Variants in COL5A2 observed in about 807,000 individuals in gnomAD.
COL5A2 encodes the protein collagen alpha-2(V) chain.
In COL5A2, 23 loss-of-function variants were observed where a neutral mutation model predicts 208.2. The observed-to-expected ratio is 0.11, with a 90% CI of 0.08 to 0.16. The LOEUF is 0.16. COL5A2 is among the 10% of genes least tolerant of loss of function. The pLI is 1.00. For synonymous variants in COL5A2, 625 were observed against 628.5 expected, an observed-to-expected ratio of 0.99 and a Z score of 0.08; for missense variants, 1,590 against 1,956.4, an observed-to-expected ratio of 0.81 and a Z score of 3.53.
chr2:189,086,915 G>A, intron 8 of COL5A2, 145 bp from the exon 9 acceptor site: 1 of 702,964 alleles, frequency 1.4e-6, no homozygotes, highest in South Asian at 1.6e-5. Context: ...TACTCATTTG[G>A]AAGGCAGCTA....
At chr2:189,132,604 A>G (rs1687736937) in intron 1 of COL5A2, among the ~76,000 whole-genome samples, 1 of 152,220 alleles carries the variant, frequency 6.6e-6, no homozygotes, top group African/African-American at 2.4e-5. Context: ...AGTTTTTAAC[A>G]ATTCATCTCA....
intron 1 of COL5A2, among the ~76,000 whole-genome samples, chr2:189,194,319 G>A (rs1402325984): frequency 6.6e-6 from 1 of 151,978 alleles, no homozygotes; most frequent in Non-Finnish European, 1.5e-5. Flanking sequence ...CGTAGAAAAG[G>A]GCTAATGCAG....
intron 1 of COL5A2, among the ~76,000 whole-genome samples, chr2:189,143,244 A>G (rs1402194578): frequency 6.6e-6 from 1 of 152,172 alleles, no homozygotes; most frequent in African/African-American, 2.4e-5. Context: ...TCCTTGTCAT[A>G]CTATGAACCC....
At chr2:189,046,996 C>A (rs1335400572) in intron 45 of COL5A2, among the ~76,000 whole-genome samples, 2 of 151,988 alleles carry the variant, frequency 1.3e-5, no homozygotes, top group African/African-American at 4.8e-5. Flanking sequence ...GTGGCACATG[C>A]CTGCAGTCCC....
At chr2:189,403,321 G>C in the COL5A2 span, among the ~76,000 whole-genome samples, 4 of 152,270 alleles carry the variant, frequency 2.6e-5, no homozygotes, top group East Asian at 7.7e-4. Context: ...TTGAGACGTG[G>C]GCTTTTCTAA....
At chr2:189,301,151 C>T in the COL5A2 span, among the ~76,000 whole-genome samples, 143 of 152,120 alleles carry the variant, frequency 9.4e-4, no homozygotes, top group Admixed American at 2.4e-3. Context: ...CATGCCACTT[C>T]ACTCCAGCCT....
chr2:189,426,512 A>G, the COL5A2 span, among the ~76,000 whole-genome samples: 1 of 152,274 alleles, frequency 6.6e-6, no homozygotes, highest in South Asian at 2.1e-4. Flanking sequence ...CATCTTACAT[A>G]TGTTGATTGA....
chr2:189,291,679 A>G, the COL5A2 span, among the ~76,000 whole-genome samples: 1 of 152,136 alleles, frequency 6.6e-6, no homozygotes, highest in East Asian at 1.9e-4. Flanking sequence ...GACTCACTAT[A>G]TAGGCAAGAT....
rs145370589 is a variant in COL5A2 at position 189,170,722 on chromosome 2, G to C, written c.97+8786C>G. On this transcript the variant is annotated intron_variant, in intron 1 of 53. Coordinates refer to ENST00000374866, the MANE Select transcript of COL5A2 (RefSeq NM_000393.5). ...AGAACATGAGCAGTCTTGCAAGGCA[G>C]CTGGATACTCTTGGCACTCTTAGGT... 3.5e-3 allele frequency among the ~76,000 whole-genome samples: 530 copies of C among 152,114 alleles called. 4 individuals carry two copies. The highest frequency in any genetic ancestry group is 0.012 in the African/African-American group (513 of 41,498).
At chr2:189,276,781 A>G in the COL5A2 span, among the ~76,000 whole-genome samples, 251 of 152,218 alleles carry the variant, frequency 1.6e-3, 2 homozygotes, top group African/African-American at 5.6e-3. Flanking sequence ...CTCTTTTGCA[A>G]TGATGTATTA....
At chr2:189,077,097 A>G (rs1340774054) in intron 16 of COL5A2, among the ~76,000 whole-genome samples, 1 of 152,086 alleles carries the variant, frequency 6.6e-6, no homozygotes, top group Non-Finnish European at 1.5e-5. Flanking sequence ...GAAATTTAAA[A>G]TCTCAGGTCC....
intron 2 of COL5A2, among the ~76,000 whole-genome samples, chr2:189,108,717 G>A (rs1687199357): frequency 6.6e-6 from 1 of 150,780 alleles, no homozygotes; most frequent in Admixed American, 6.6e-5. Flanking sequence ...TTTTTCTTTG[G>A]GTGCCCATCT....
intron 8 of COL5A2, among the ~76,000 whole-genome samples, chr2:189,087,376 C>T (rs987775422): frequency 2.6e-5 from 4 of 151,924 alleles, no homozygotes; most frequent in East Asian, 1.9e-4. Context: ...AACAAAAATG[C>T]GATTTTAGAA....
At chr2:189,114,462 AG>A (rs1687346796) in intron 1 of COL5A2, among the ~76,000 whole-genome samples, 1 of 152,198 alleles carries the variant, frequency 6.6e-6, no homozygotes, top group Admixed American at 6.5e-5. Context: ...AAAATATTGC[AG>A]TAAAGTTGTC....
At chr2:189,263,079 T>A in the COL5A2 span, among the ~76,000 whole-genome samples, 1 of 152,098 alleles carries the variant, frequency 6.6e-6, no homozygotes, top group Non-Finnish European at 1.5e-5. Context: ...TGGCAAGACC[T>A]TCAGTCAAGC....
the COL5A2 span, among the ~76,000 whole-genome samples, chr2:189,361,292 T>C: frequency 1.3e-5 from 2 of 152,186 alleles, no homozygotes; most frequent in African/African-American, 2.4e-5. Context: ...TGTGCTCCAG[T>C]GTTGGGTGCA....
chr2:189,074,946 C>A (rs1050079507), intron 17 of COL5A2, among the ~76,000 whole-genome samples: 2 of 152,142 alleles, frequency 1.3e-5, no homozygotes, highest in African/African-American at 4.8e-5. Context: ...CCTGAATGAT[C>A]GCACATTAAC....
At chr2:189,193,405 T>C (rs1019312130) in intron 1 of COL5A2, among the ~76,000 whole-genome samples, 4 of 152,160 alleles carry the variant, frequency 2.6e-5, no homozygotes, top group African/African-American at 9.7e-5. Flanking sequence ...ATATGCAAAA[T>C]CAAAATACTA....
intron 1 of COL5A2, among the ~76,000 whole-genome samples, chr2:189,155,785 G>T (rs1411486670): frequency 6.6e-6 from 1 of 152,006 alleles, no homozygotes; most frequent in Non-Finnish European, 1.5e-5. Context: ...TTATCTTCTA[G>T]TTCTGGATGT....
Sources: allele counts gnomAD v4.1 joint callset (sites outside exome capture counted in the v4.1 genomes callset), GRCh38; gene constraint gnomAD v4.1.1; transcripts MANE v1.5; gene names NCBI Gene and HGNC (gene_info 2026-07-23, HGNC 2026-07-21).